The following EZH2 variants were observed in gnomAD, a reference collection of about 807,000 sequenced individuals.
The protein encoded by EZH2 is enhancer of zeste 2 polycomb repressive complex 2 subunit, also known as histone-lysine N-methyltransferase EZH2.
A neutral mutation model predicts 98.4 loss-of-function variants in EZH2; 18 were observed. The observed-to-expected ratio is 0.18, with a 90% CI of 0.13 to 0.27. The LOEUF (loss-of-function observed/expected upper bound fraction) is 0.27. Among genes scored for constraint, EZH2 ranks in the 10% least tolerant of loss-of-function variants. EZH2 has a pLI of 1.00. For synonymous variants in EZH2, 338 were observed against 312.3 expected (o/e 1.08, Z -0.87); for missense variants, 470 against 935.1 (o/e 0.50, Z 6.49).
At chr7:148,820,000 C>CTA (rs1228369825) in intron 8 of EZH2, among the ~76,000 whole-genome samples, 1 of 152,234 alleles carries the variant, frequency 6.6e-6, no homozygotes, top group Non-Finnish European at 1.5e-5. Flanking sequence ...TTGAATCTTA[C>CTA]TATCTCTGTC....
intron 17 of EZH2, among the ~76,000 whole-genome samples, chr7:148,809,669 A>G (rs1265948489): frequency 6.6e-6 from 1 of 152,250 alleles, no homozygotes; most frequent in East Asian, 1.9e-4. Flanking sequence ...TAGCAAAAAA[A>G]AAAAAAAATC....
chr7:148,824,120 G>T lies in EZH2; in HGVS notation c.907+2334C>A, dbSNP rs530252777. Among the ~76,000 whole-genome samples, 62 of 147,066 alleles carry T rather than the reference G, an allele frequency of 4.2e-4. No individual in the cohort carries two copies. The Middle Eastern group carries it at 0.018, about 43-fold the overall frequency. On this transcript the variant is annotated intron_variant, in intron 8 of 19. Coordinates refer to ENST00000320356, the MANE Select transcript of EZH2 (RefSeq NM_004456.5). ...ACTTGAGGTCAGGAGTTCAAGACCA[G>T]CCTGGCCAACATGGTGAAACCCCAT...
At chr7:148,836,209 G>A (rs914804107) in intron 3 of EZH2, among the ~76,000 whole-genome samples, 1 of 152,196 alleles carries the variant, frequency 6.6e-6, no homozygotes, top group Non-Finnish European at 1.5e-5. Flanking sequence ...TACACTTGAT[G>A]ATTTTCTCTA....
chr7:148,883,778 G>A (rs1480937534), intron 1 of EZH2, among the ~76,000 whole-genome samples: 1 of 151,942 alleles, frequency 6.6e-6, no homozygotes, highest in East Asian at 1.9e-4. Context: ...CGCCGCGGCC[G>A]CGCCACACAA....
At chr7:148,834,641 A>G (rs976485617) in intron 3 of EZH2, among the ~76,000 whole-genome samples, 2 of 152,120 alleles carry the variant, frequency 1.3e-5, no homozygotes, top group African/African-American at 4.8e-5. Flanking sequence ...TTGCTTTCCA[A>G]AAAGGCAAAG....
intron 15 of EZH2, 133 bp from the exon 16 acceptor site, chr7:148,811,853 G>A: frequency 1.5e-6 from 1 of 685,054 alleles, no homozygotes. Flanking sequence ...GCAGTAATTG[G>A]GCACACAGCT....
intron 6 of EZH2, 42 bp from the exon 7 acceptor site, chr7:148,827,308 A>G (rs1199634987): frequency 1.3e-6 from 2 of 1,489,238 alleles, no homozygotes; most frequent in Non-Finnish European, 9.3e-7. Context: ...ATGGAAGTAA[A>G]CAAGTTTTTG....
chr7:148,861,190 A>G (rs1817612851), intron 1 of EZH2, among the ~76,000 whole-genome samples: 1 of 151,772 alleles, frequency 6.6e-6, no homozygotes, highest in East Asian at 1.9e-4. Flanking sequence ...ACAATGTAAA[A>G]TGTTATATAA....
At position 148,807,614 on chromosome 7, in the gene EZH2, G is replaced by A. The variant is rs929618724; in HGVS notation, c.*32C>T. The A allele has an allele frequency of 1.3e-6, 2 of 1,487,274 alleles. No individual in the cohort carries two copies. The highest frequency in any genetic ancestry group is 1.2e-5 in the South Asian group (1 of 83,980). The allele number at this position is 1,487,274 out of a possible 1,614,324, so 92.1% of individuals were successfully genotyped here. A position where few individuals can be genotyped will look rare whatever the true frequency, so the allele number is the denominator to read the frequency against. On this transcript the variant is annotated 3_prime_UTR_variant, in exon 20 of 20. Transcript: ENST00000320356. ...CGAGGTTCCTGAAGCTAAGGCAGCTGTTTCAGAGGAGGGGGGAGGAGGTAG... is the reference window on the plus strand; with the variant it reads ...CGAGGTTCCTGAAGCTAAGGCAGCTATTTCAGAGGAGGGGGGAGGAGGTAG...
At chr7:148,879,729 G>A (rs748016166) in intron 1 of EZH2, among the ~76,000 whole-genome samples, 7 of 151,842 alleles carry the variant, frequency 4.6e-5, no homozygotes, top group Non-Finnish European at 7.4e-5. Context: ...TAAATTAGCC[G>A]AGCGTGGTGG....
At chr7:148,877,561 C>T (rs542936970) in intron 1 of EZH2, among the ~76,000 whole-genome samples, 1 of 152,186 alleles carries the variant, frequency 6.6e-6, no homozygotes, top group African/African-American at 2.4e-5. Flanking sequence ...TCATTATCCT[C>T]ACCAATTTAC....
chr7:148,865,587 G>C (rs908363865), intron 1 of EZH2, among the ~76,000 whole-genome samples: 21 of 152,176 alleles, frequency 1.4e-4, no homozygotes, highest in Middle Eastern at 3.2e-3. Context: ...CTCAACAGAA[G>C]AGCAATGATC....
At chr7:148,850,346 T>C (rs1299316018) in intron 1 of EZH2, 1 of 275,668 alleles carries the variant, frequency 3.6e-6, no homozygotes, top group Non-Finnish European at 5.5e-6. Flanking sequence ...ATACATATTT[T>C]ATGTCTTGAT....
chr7:148,866,686 A>T (rs7778942), intron 1 of EZH2, among the ~76,000 whole-genome samples: 1 of 143,676 alleles, frequency 7.0e-6, no homozygotes, highest in Non-Finnish European at 1.5e-5. Context: ...ACGTATATGC[A>T]TATATATATA....
chr7:148,854,594 A>G (rs1055344588), intron 1 of EZH2, among the ~76,000 whole-genome samples: 3 of 152,370 alleles, frequency 2.0e-5, no homozygotes, highest in African/African-American at 7.2e-5. Context: ...AATAGCAGCA[A>G]CTTTGACTCT....
At chr7:148,842,532 A>C (rs529440418) in intron 3 of EZH2, among the ~76,000 whole-genome samples, 2 of 152,360 alleles carry the variant, frequency 1.3e-5, no homozygotes, top group East Asian at 3.9e-4. Context: ...TATGGGAATA[A>C]AATGTACATC....
rs116569103 is a variant in EZH2 at position 148,835,308 on chromosome 7, A to C, written c.247-2558T>G. 6.6e-3 allele frequency among the ~76,000 whole-genome samples: 1,008 copies of C among 152,080 alleles called. 12 individuals are homozygous for C. The highest frequency in any genetic ancestry group is 0.022 in the African/African-American group (918 of 41,484). ...CAAGGTAGCACGTGCCTGTAGTCCC[A>C]GCTACTTGAGGGGCTGAGGTGGGAG... On this transcript the variant is annotated intron_variant, in intron 3 of 19. Transcript: ENST00000320356.
At chr7:148,870,072 C>A (rs955642665) in intron 1 of EZH2, among the ~76,000 whole-genome samples, 1 of 152,130 alleles carries the variant, frequency 6.6e-6, no homozygotes, top group Non-Finnish European at 1.5e-5. Context: ...AAAGAATCTT[C>A]ATAGCATAAC....
intron 3 of EZH2, among the ~76,000 whole-genome samples, chr7:148,842,547 G>C (rs1812735103): frequency 6.6e-6 from 1 of 152,132 alleles, no homozygotes; most frequent in Non-Finnish European, 1.5e-5. Context: ...TACATCCCTT[G>C]ACCTATATGT....
Sources: allele counts gnomAD v4.1 joint callset (sites outside exome capture counted in the v4.1 genomes callset), GRCh38; gene constraint gnomAD v4.1.1; transcripts MANE v1.5; gene names NCBI Gene and HGNC (gene_info 2026-07-23, HGNC 2026-07-21).